The following ELMO1 variants were observed in gnomAD, a reference collection of about 807,000 sequenced individuals.
The protein encoded by ELMO1 is engulfment and cell motility 1.
In ELMO1, 26 loss-of-function variants were observed where a neutral mutation model predicts 98.9. The observed-to-expected ratio is 0.26, with a 90% confidence interval of 0.19 to 0.36. The LOEUF is 0.36. ELMO1 is among the 10% of genes least tolerant of loss of function. The pLI is 1.00. For missense variants in ELMO1, 627 were observed against 935.2 expected (o/e 0.67, Z 4.30); for synonymous variants, 346 against 346.0 (o/e 1.00, Z 0.00).
At chr7:36,932,070 C>CTTCA (rs113584410) in intron 16 of ELMO1, among the ~76,000 whole-genome samples, 19,614 of 151,632 alleles carry the variant, frequency 0.13, 1,424 homozygotes, top group East Asian at 0.32. Context: ...GGAGAGTTAA[C>CTTCA]TTCATTCATT....
chr7:36,882,083 G>A lies in ELMO1; in HGVS notation c.1715-3966C>T, dbSNP rs756583547. Among the ~76,000 whole-genome samples, 3 of 152,146 alleles carry A rather than the reference G, an allele frequency of 2.0e-5. 1 individual carries two copies. The highest frequency in any genetic ancestry group is 4.1e-4 in the South Asian group (2 of 4,830). On this transcript the variant is annotated intron_variant, in intron 18 of 21. Transcript: ENST00000310758. ...TTCAGTGAGACACAGGGCACAGCAAGAACCAAACCCCGAGACTGCCATGGA... is the reference window on the plus strand; with the variant it reads ...TTCAGTGAGACACAGGGCACAGCAAAAACCAAACCCCGAGACTGCCATGGA...
intron 1 of ELMO1, among the ~76,000 whole-genome samples, chr7:37,358,913 G>A (rs2724011): frequency 0.2 from 31,009 of 152,100 alleles, 3,231 homozygotes; most frequent in Middle Eastern, 0.25. Context: ...GGCTGGAGTG[G>A]TCGTGGAGAC....
chr7:37,205,906 T>G (rs1197945037), intron 13 of ELMO1, among the ~76,000 whole-genome samples: 15 of 152,182 alleles, frequency 9.9e-5, no homozygotes, highest in Admixed American at 9.8e-4. Context: ...TTAAAATTCT[T>G]CTATAACCTT....
At chr7:37,348,037 C>T (rs1801092718) in intron 1 of ELMO1, among the ~76,000 whole-genome samples, 1 of 152,222 alleles carries the variant, frequency 6.6e-6, no homozygotes, top group Non-Finnish European at 1.5e-5. Context: ...CTGGAGTACT[C>T]TAAGGGCAAG....
chr7:37,239,146 G>A (rs896997712), intron 7 of ELMO1, among the ~76,000 whole-genome samples: 1 of 151,822 alleles, frequency 6.6e-6, no homozygotes, highest in African/African-American at 2.4e-5. Flanking sequence ...ATTGTTGTAT[G>A]AAGGTTTTCG....
At chr7:37,063,663 C>T (rs76146090) in intron 15 of ELMO1, among the ~76,000 whole-genome samples, 4,677 of 152,206 alleles carry the variant, frequency 0.031, 116 homozygotes, top group African/African-American at 0.066. Context: ...TTTAAATCCA[C>T]TTGTATGACC....
intron 13 of ELMO1, among the ~76,000 whole-genome samples, chr7:37,145,847 T>C (rs892743744): frequency 6.6e-6 from 1 of 152,206 alleles, no homozygotes. Flanking sequence ...AAAAGCCCTA[T>C]TCAAGGCTAT....
chr7:37,355,600 A>G (rs747647981), intron 1 of ELMO1, among the ~76,000 whole-genome samples: 1 of 152,170 alleles, frequency 6.6e-6, no homozygotes, highest in Admixed American at 6.5e-5. Flanking sequence ...CGGAGGGGGG[A>G]AAGTTAGGGT....
At chr7:37,203,391 C>A (rs762736757) in intron 13 of ELMO1, among the ~76,000 whole-genome samples, 47 of 152,304 alleles carry the variant, frequency 3.1e-4, no homozygotes, top group Non-Finnish European at 5.9e-4. Flanking sequence ...AGAGTGATGT[C>A]TTTTGTCCTC....
intron 16 of ELMO1, among the ~76,000 whole-genome samples, chr7:36,922,066 G>T (rs943413636): frequency 6.6e-6 from 1 of 152,116 alleles, no homozygotes; most frequent in Non-Finnish European, 1.5e-5. Flanking sequence ...GGGAAACAAA[G>T]TATGGTATCT....
At chr7:36,977,911 G>C (rs865955069) in intron 16 of ELMO1, among the ~76,000 whole-genome samples, 3 of 152,176 alleles carry the variant, frequency 2.0e-5, no homozygotes, top group Admixed American at 6.5e-5. Flanking sequence ...AATGTGGTTT[G>C]TTGAATTTTT....
rs138360254 is a variant in ELMO1, at chr7:37,092,740, G to A, written c.1300+3879C>T. Among the ~76,000 whole-genome samples, 73 of 152,038 alleles carry A rather than the reference G, an allele frequency of 4.8e-4. 1 individual carries two copies. The highest frequency in any genetic ancestry group is 1.4e-3 in the African/African-American group (59 of 41,470). ...CTCATTTCAGGCTCCAACCAACTGC[G>A]TGCAGCACAGTTCCTCATTTATCTC... On this transcript the variant is annotated intron_variant, in intron 15 of 21. Coordinates refer to ENST00000310758, the MANE Select transcript of ELMO1 (RefSeq NM_014800.11).
chr7:37,132,263 T>G (rs1201925545), intron 14 of ELMO1, among the ~76,000 whole-genome samples: 4 of 152,200 alleles, frequency 2.6e-5, no homozygotes, highest in African/African-American at 9.7e-5. Flanking sequence ...CTTACCATAT[T>G]TTAAGTTCAG....
chr7:37,163,014 T>C (rs1427800657), intron 13 of ELMO1, among the ~76,000 whole-genome samples: 1 of 152,224 alleles, frequency 6.6e-6, no homozygotes, highest in Admixed American at 6.5e-5. Context: ...TGAAAGGATA[T>C]GCTGCTCTAC....
At chr7:36,931,730 A>T (rs565869352) in intron 16 of ELMO1, among the ~76,000 whole-genome samples, 2 of 152,240 alleles carry the variant, frequency 1.3e-5, no homozygotes, top group Non-Finnish European at 2.9e-5. Flanking sequence ...GGTGGAGTGC[A>T]TGTCCTGAAT....
intron 1 of ELMO1, among the ~76,000 whole-genome samples, chr7:37,398,350 C>G (rs1193205236): frequency 6.6e-6 from 1 of 152,118 alleles, no homozygotes; most frequent in African/African-American, 2.4e-5. Flanking sequence ...AAACAAAAAC[C>G]CAATCTATAT....
intron 16 of ELMO1, among the ~76,000 whole-genome samples, chr7:36,938,753 C>T (rs767791859): frequency 6.6e-6 from 1 of 152,110 alleles, no homozygotes; most frequent in Non-Finnish European, 1.5e-5. Context: ...TGGGAAAATC[C>T]TATTTCTCTA....
intron 15 of ELMO1, among the ~76,000 whole-genome samples, chr7:37,018,928 G>A (rs1182613780): frequency 6.6e-6 from 1 of 152,182 alleles, no homozygotes; most frequent in Non-Finnish European, 1.5e-5. Flanking sequence ...TCTGGTGAAT[G>A]GCCTTTAGGG....
intron 4 of ELMO1, among the ~76,000 whole-genome samples, chr7:37,287,293 C>T (rs10233311): frequency 0.5 from 75,238 of 151,960 alleles, 19,046 homozygotes; most frequent in East Asian, 0.7. Context: ...GCATTTTAAG[C>T]ACTGCAGGCT....
Sources: allele counts gnomAD v4.1 joint callset (sites outside exome capture counted in the v4.1 genomes callset), GRCh38; gene constraint gnomAD v4.1.1; transcripts MANE v1.5; gene names NCBI Gene and HGNC (gene_info 2026-07-23, HGNC 2026-07-21).